The following VAT1L variants were observed in gnomAD, a reference collection of about 807,000 sequenced individuals.
VAT1L encodes vesicle amine transport 1 like.
Under a neutral mutation model 44.1 loss-of-function variants are expected in VAT1L, and 34 were observed. The ratio of observed to expected loss-of-function variants is 0.77; its 90% CI spans 0.59 to 1.03. VAT1L has a LOEUF of 1.03. Among genes scored for constraint, VAT1L ranks in the 50% least tolerant of loss-of-function variants. The probability of loss-of-function intolerance (pLI) is 0.00; values close to 1 mark genes in which losing one functional copy is unlikely to be tolerated. For synonymous variants in VAT1L, 253 were observed against 202.2 expected (o/e 1.25, Z -2.13); for missense variants, 615 against 538.8 (o/e 1.14, Z -1.40).
chr16:77,914,325 C>T (rs1009257479), intron 7 of VAT1L, among the ~76,000 whole-genome samples: 3 of 152,178 alleles, frequency 2.0e-5, no homozygotes, highest in Non-Finnish European at 2.9e-5. Flanking sequence ...AGGTTGTATG[C>T]ATTCATTGTA....
chr16:77,904,172 G>A (rs2017415156), intron 7 of VAT1L, among the ~76,000 whole-genome samples: 1 of 144,924 alleles, frequency 6.9e-6, no homozygotes, highest in Non-Finnish European at 1.5e-5. Context: ...TATTCTTGGT[G>A]TTACTGATTT....
intron 7 of VAT1L, among the ~76,000 whole-genome samples, chr16:77,926,305 A>G (rs1348784133): frequency 1.4e-5 from 2 of 147,532 alleles, no homozygotes; most frequent in Admixed American, 6.8e-5. Flanking sequence ...GAGTTGGGCC[A>G]GGCACGGTGG....
chr16:77,838,952 T>C (rs1486278723), intron 3 of VAT1L, among the ~76,000 whole-genome samples: 1 of 152,066 alleles, frequency 6.6e-6, no homozygotes, highest in Non-Finnish European at 1.5e-5. Flanking sequence ...TGTTGGTCTC[T>C]GGGTATTCCA....
rs2016376731 is a variant in VAT1L, at chr16:77,817,475, C to T, written c.363+425C>T. On this transcript the variant is annotated intron_variant, in intron 2 of 8. Coordinates refer to ENST00000302536, the MANE Select transcript of VAT1L (RefSeq NM_020927.3). ...ATAACCTGGCTCCCTCAAATAGTCACTTAACTGGTACATTTAAGTAATCAT... is the reference window on the plus strand; with the variant it reads ...ATAACCTGGCTCCCTCAAATAGTCATTTAACTGGTACATTTAAGTAATCAT... 2.0e-5 allele frequency among the ~76,000 whole-genome samples: 3 copies of T among 152,310 alleles called. No homozygotes were observed. In the South Asian group the frequency reaches 6.2e-4, roughly 32 times the overall value.
intron 7 of VAT1L, among the ~76,000 whole-genome samples, chr16:77,913,533 T>A (rs933947114): frequency 6.6e-6 from 1 of 151,604 alleles, no homozygotes; most frequent in African/African-American, 2.4e-5. Context: ...CCCTCTACTA[T>A]GATGCTTCCT....
intron 7 of VAT1L, among the ~76,000 whole-genome samples, chr16:77,899,222 G>A (rs1266921244): frequency 6.6e-6 from 1 of 152,236 alleles, no homozygotes; most frequent in East Asian, 1.9e-4. Context: ...CAGACAAAAA[G>A]TGGTGGAGCC....
chr16:77,859,147 A>C (rs1031555176), intron 3 of VAT1L, among the ~76,000 whole-genome samples: 4 of 151,862 alleles, frequency 2.6e-5, no homozygotes, highest in African/African-American at 9.7e-5. Context: ...AAAAAAAAAA[A>C]AAACTATTTG....
At chr16:77,909,711 A>G (rs760650256) in intron 7 of VAT1L, among the ~76,000 whole-genome samples, 3 of 151,764 alleles carry the variant, frequency 2.0e-5, no homozygotes, top group Non-Finnish European at 2.9e-5. Flanking sequence ...TTTTCGTGCA[A>G]TCTACCCACA....
In VAT1L at chr16:77,879,448, A is replaced by G. The variant is rs2017126030; in HGVS notation, c.882+224A>G. ...TGGGATTACAGGCATGCGCCACCAT[A>G]CCCAGCTAATTTTTGTATTTGTAGT... On this transcript the variant is annotated intron_variant, in intron 6 of 8. Transcript: ENST00000302536. This position sits in a 1 kb window ranked among gnomAD's most constrained non-coding sequence, Gnocchi z 4.1. Among the ~76,000 whole-genome samples the G allele has an allele frequency of 6.6e-6, 1 of 152,052 alleles. No homozygotes were observed. The highest frequency in any genetic ancestry group is 1.5e-5 in the Non-Finnish European group (1 of 68,002).
intron 1 of VAT1L, among the ~76,000 whole-genome samples, chr16:77,816,604 A>G (rs1721246543): frequency 6.6e-6 from 1 of 152,226 alleles, no homozygotes; most frequent in African/African-American, 2.4e-5. Flanking sequence ...ATGTTTTTAG[A>G]GTAAGCATAA....
chr16:77,924,796 C>A (rs1382373164), intron 7 of VAT1L, among the ~76,000 whole-genome samples: 2 of 152,074 alleles, frequency 1.3e-5, no homozygotes, highest in Admixed American at 1.3e-4. Context: ...AACCCAGACT[C>A]CAAGACCTTC....
chr16:77,930,768 G>C (rs182804523), intron 7 of VAT1L, among the ~76,000 whole-genome samples: 18 of 152,072 alleles, frequency 1.2e-4, no homozygotes, highest in African/African-American at 4.3e-4. Flanking sequence ...TTGTTCAAGG[G>C]GGCATGGAGA....
rs2017277463 is a variant in VAT1L at position 77,892,453 on chromosome 16, A to G, written c.1077+7651A>G. On this transcript the variant is annotated intron_variant, in intron 7 of 8. Transcript: ENST00000302536. The stretch of plus-strand genomic sequence containing the variant: ...TCAATCCCACTATGTTGGGGTTGAC[A>G]GTGCGGTTGATGGTGGGCCCTTGTG... 4 of 497,288 alleles carry G rather than the reference A, an allele frequency of 8.0e-6. No individual in the cohort carries two copies. The Admixed American group carries it at 8.8e-5, about 11-fold the overall frequency. The allele number at this position is 497,288 out of a possible 1,614,324, so 30.8% of individuals were successfully genotyped here.
intron 3 of VAT1L, among the ~76,000 whole-genome samples, chr16:77,851,109 A>T (rs1230102553): frequency 1.3e-5 from 2 of 152,232 alleles, no homozygotes; most frequent in Non-Finnish European, 2.9e-5. Context: ...GGGGCAAGCA[A>T]GAGATGGCCA....
intron 8 of VAT1L, among the ~76,000 whole-genome samples, chr16:77,973,899 T>TG (rs2018307300): frequency 6.6e-6 from 1 of 152,014 alleles, no homozygotes; most frequent in Non-Finnish European, 1.5e-5. Flanking sequence ...CTAATTTTTT[T>TG]GTATTTTTAG....
At chr16:77,863,694 G>C (rs1006734163) in intron 4 of VAT1L, among the ~76,000 whole-genome samples, 2 of 152,178 alleles carry the variant, frequency 1.3e-5, no homozygotes, top group Non-Finnish European at 2.9e-5. Context: ...CTACAAGAAG[G>C]CTTACTGGGG....
At chr16:77,819,366 C>A (rs1337037436) in intron 2 of VAT1L, among the ~76,000 whole-genome samples, 2 of 151,864 alleles carry the variant, frequency 1.3e-5, no homozygotes, top group African/African-American at 4.8e-5. Context: ...AGATGATATT[C>A]TTTTCTTTTT....
At position 77,879,096 on chromosome 16, in the gene VAT1L, AT is replaced by A. The variant is rs895581946; in HGVS notation, c.827-66del. 1.3e-6 allele frequency: 2 copies of A among 1,524,774 alleles called. No individual in the cohort carries two copies. The highest frequency in any genetic ancestry group is 1.8e-6 in the Non-Finnish European group (2 of 1,102,354). 94.5% of individuals were successfully genotyped at this position (1,524,774 alleles called of 1,614,324 possible). The stretch of plus-strand genomic sequence containing the variant: ...TCCAGTTCCGGACCAAACAATTGCC[AT>A]TTTTTTCATGCATAACAAGAGATGT... On this transcript the variant is annotated intron_variant, in intron 5 of 8. Coordinates refer to ENST00000302536, the MANE Select transcript of VAT1L (RefSeq NM_020927.3). The surrounding 1 kb of genome is among the most constrained non-coding windows in gnomAD (Gnocchi z 4.1).
intron 1 of VAT1L, chr16:77,801,306 T>G (rs895922537): frequency 3.9e-5 from 6 of 152,344 alleles, no homozygotes; most frequent in African/African-American, 1.4e-4. Context: ...GGATTACGTT[T>G]CTTTCCAAAG....
Sources: allele counts gnomAD v4.1 joint callset (sites outside exome capture counted in the v4.1 genomes callset), GRCh38; gene constraint gnomAD v4.1.1; non-coding constraint Gnocchi (gnomAD v3.1); transcripts MANE v1.5; gene names NCBI Gene and HGNC (gene_info 2026-07-23, HGNC 2026-07-21).